SPAG7: variants seen among roughly 807,000 people sequenced by gnomAD.
SPAG7 encodes the protein sperm-associated antigen 7.
A neutral mutation model predicts 30.6 loss-of-function variants in SPAG7; 20 were observed. That is an observed-to-expected ratio of 0.65 (90% CI 0.46 to 0.95). The LOEUF is 0.95. Ranked by LOEUF, SPAG7 falls within the 40% of genes least tolerant of loss-of-function variation. SPAG7 has a pLI of 0.00. For synonymous variants in SPAG7, 127 were observed against 104.2 expected, an observed-to-expected ratio of 1.22 and a Z score of -1.33; for missense variants, 276 against 291.1, an observed-to-expected ratio of 0.95 and a Z score of 0.38.
chr17:4,960,602 C>T, intron 2 of SPAG7, 55 bp from the exon 3 acceptor site: 1 of 1,475,422 alleles, frequency 6.8e-7, no homozygotes. Context: ...CCAAGTACCC[C>T]TCTCCCTAGC....
chr17:4,963,451 A>ATTTTTTTTTTTTTTTTTTTTTTTTT (rs35484038), intron 1 of SPAG7, among the ~76,000 whole-genome samples: 1 of 103,200 alleles, frequency 9.7e-6, no homozygotes, highest in Non-Finnish European at 1.8e-5. Context: ...GGAAAGGGGA[A>ATTTTTTTTTTTTTTTTTTTTTTTTT]TTTTTTTTTT....
chr17:4,967,240 C>A, intron 1 of SPAG7: 1 of 998,306 alleles, frequency 1.0e-6, no homozygotes, highest in South Asian at 4.1e-5. Flanking sequence ...ACAGAGGACC[C>A]TGCAACCAAT....
chr17:4,959,954 C>G, intron 5 of SPAG7, 38 bp from the exon 6 acceptor site: 2 of 1,612,974 alleles, frequency 1.2e-6, no homozygotes, highest in Non-Finnish European at 1.7e-6. Flanking sequence ...CTCAGGGCCC[C>G]AGCCCAAACC....
At chr17:4,960,355 G>C in intron 3 of SPAG7, 37 bp from the exon 4 acceptor site, 1 of 1,609,678 alleles carries the variant, frequency 6.2e-7, no homozygotes, top group Non-Finnish European at 8.5e-7. Context: ...AGCATCTTGA[G>C]CCAGGAGCGG....
chr17:4,959,496 G>T lies in SPAG7; in HGVS notation c.*38C>A. 1.3e-6 allele frequency: 2 copies of T among 1,548,960 alleles called. No homozygotes were observed. Among genetic ancestry groups the T allele is most frequent in the Non-Finnish European group, 8.9e-7 (1 of 1,126,962 alleles). Reference sequence around the variant, plus strand: ...GCAGCCTTGTCTCTCCCTGCCCCCTGCCCTGCCCCAGGGGTCAAAGGGAGC... The same window carrying T: ...GCAGCCTTGTCTCTCCCTGCCCCCTTCCCTGCCCCAGGGGTCAAAGGGAGC... On this transcript the variant is annotated 3_prime_UTR_variant, in exon 7 of 7. Transcript: ENST00000206020.
At chr17:4,963,630 T>C (rs1456987960) in intron 1 of SPAG7, among the ~76,000 whole-genome samples, 2 of 152,028 alleles carry the variant, frequency 1.3e-5, no homozygotes, top group Non-Finnish European at 2.9e-5. Context: ...AGCTAATTTT[T>C]GTATTTTTAG....
chr17:4,962,682 G>C (rs1267246702), intron 1 of SPAG7, among the ~76,000 whole-genome samples: 2 of 152,016 alleles, frequency 1.3e-5, no homozygotes, highest in Non-Finnish European at 2.9e-5. Context: ...GTCTCACTCT[G>C]TCACCCAGGC....
intron 2 of SPAG7, 111 bp downstream of exon 2, chr17:4,960,675 T>A (rs1194372542): frequency 5.1e-6 from 7 of 1,373,326 alleles, no homozygotes; most frequent in African/African-American, 1.4e-5. Context: ...CTGGCTTCCA[T>A]GCGTCACCTC....
chr17:4,967,661 G>A (rs1459358146), intron 1 of SPAG7, 59 bp downstream of exon 1: 3 of 1,315,482 alleles, frequency 2.3e-6, no homozygotes, highest in Non-Finnish European at 3.3e-6. Flanking sequence ...TCCAAAGAGG[G>A]AGAAGTATGG....
At chr17:4,965,155 C>T (rs372616319) in intron 1 of SPAG7, among the ~76,000 whole-genome samples, 2 of 152,288 alleles carry the variant, frequency 1.3e-5, no homozygotes, top group South Asian at 2.1e-4. Flanking sequence ...TCAGGTGATC[C>T]GCCCGCCTCA....
In SPAG7 at chr17:4,959,588, G is replaced by A. The variant is rs756814594; in HGVS notation, c.630C>T (p.Ile210=). The A allele has an allele frequency of 7.4e-6, 12 of 1,614,036 alleles. No individual in the cohort carries two copies. In the Admixed American group the frequency reaches 2.0e-4, roughly 27 times the overall value. Residue 210 remains isoleucine (I), a synonymous_variant, in exon 7 of 7, where the codon ATC becomes ATT. Transcript: ENST00000206020. The part of the protein sequence containing the change: ...TRSIEEAMNE[I]RAKKRLRQSG... ...TCTGCCGCAGACGCTTCTTGGCTCT[G>A]ATCTCATTCATAGCCTCTTCAATGG...
In SPAG7 at chr17:4,967,704, A is replaced by T; in HGVS notation, c.85+16T>A. 6.2e-7 allele frequency: 1 copy of T among 1,604,882 alleles called. No individual in the cohort carries two copies. The highest frequency in any genetic ancestry group is 8.5e-7 in the Non-Finnish European group (1 of 1,171,924). ...AACCGGGCGAAGGAAGGCGGTTGTG[A>T]ATTTGGGATCCTCACCTCGGGCCTT... On this transcript the variant is annotated intron_variant, in intron 1 of 6. Coordinates refer to ENST00000206020, the MANE Select transcript of SPAG7 (RefSeq NM_004890.3).
chr17:4,965,631 TC>T (rs1238771474), intron 1 of SPAG7, among the ~76,000 whole-genome samples: 2 of 152,082 alleles, frequency 1.3e-5, no homozygotes, highest in African/African-American at 4.8e-5. Context: ...TGAGCTCTCA[TC>T]CCTCTGTCCT....
At chr17:4,966,577 G>A (rs1355772484) in intron 1 of SPAG7, 2 of 984,882 alleles carry the variant, frequency 2.0e-6, no homozygotes, top group Non-Finnish European at 2.4e-6. Flanking sequence ...GTAACGCTTT[G>A]CTTCTCTCTC....
In SPAG7 at chr17:4,967,799, C is replaced by A. The variant is rs759100237; in HGVS notation, c.6G>T (p.Ala2=). The part of the protein sequence containing the change: M[A]DLLGSILSSM... ...AGCTCAGGATGGAGCCCAGTAGGTC[C>A]GCCATCTTGGGAGTGACTGAGAGGG... Residue 2 remains alanine, a synonymous_variant, in exon 1 of 7, where the codon GCG becomes GCT. Transcript: ENST00000206020. 18 of 1,613,360 alleles carry A rather than the reference C, an allele frequency of 1.1e-5. No homozygotes were observed. The Middle Eastern group carries it at 4.9e-4, about 44-fold the overall frequency.
At chr17:4,967,116 T>C (rs1352209096) in intron 1 of SPAG7, 50 of 985,148 alleles carry the variant, frequency 5.1e-5, no homozygotes, top group Non-Finnish European at 5.9e-5. Context: ...ATCCCTCCAA[T>C]CAACACTACG....
intron 1 of SPAG7, among the ~76,000 whole-genome samples, chr17:4,962,341 T>G (rs1971876559): frequency 6.6e-6 from 1 of 152,218 alleles, no homozygotes; most frequent in Non-Finnish European, 1.5e-5. Flanking sequence ...CTTGAACTCC[T>G]GAGCTCAAGT....
intron 1 of SPAG7, 106 bp downstream of exon 1, chr17:4,967,614 C>A: frequency 1.2e-6 from 1 of 851,168 alleles, no homozygotes; most frequent in South Asian, 1.5e-5. Context: ...CGGAAGGGGC[C>A]TGTGAGGGGT....
intron 1 of SPAG7, chr17:4,966,913 GC>G (rs1971964223): frequency 4.1e-6 from 4 of 985,410 alleles, no homozygotes; most frequent in Admixed American, 6.2e-5. Flanking sequence ...GTCAAGGTCC[GC>G]AGGTTTGGGA....
Sources: gnomAD v4.1 joint callset for allele counts (sites outside exome capture counted in the v4.1 genomes callset) on GRCh38, gnomAD v4.1.1 for gene constraint, MANE v1.5 for transcripts, NCBI Gene and HGNC (gene_info 2026-07-23, HGNC 2026-07-21) for gene names.